The following RNF38 variants were observed in gnomAD, a reference collection of about 807,000 sequenced individuals.
RNF38 encodes the protein ring finger protein 38.
A neutral mutation model predicts 67.2 loss-of-function variants in RNF38; 15 were observed. The ratio of observed to expected loss-of-function variants is 0.22; its 90% CI spans 0.15 to 0.34. RNF38 has a LOEUF of 0.34. Among genes scored for constraint, RNF38 ranks in the 10% least tolerant of loss-of-function variants. The probability of loss-of-function intolerance (pLI) is 1.00; values close to 1 mark genes in which losing one functional copy is unlikely to be tolerated. For synonymous variants in RNF38, 220 were observed against 218.8 expected, an observed-to-expected ratio of 1.01 and a Z score of -0.05; for missense variants, 524 against 639.9, an observed-to-expected ratio of 0.82 and a Z score of 1.95.
rs915998905 is a variant in RNF38, at chr9:36,380,326, A to G, written c.163-4199T>C. Among the ~76,000 whole-genome samples, 61 of 152,010 alleles carry G rather than the reference A, an allele frequency of 4.0e-4. 1 individual carries two copies. The highest frequency in any genetic ancestry group is 1.4e-3 in the African/African-American group (58 of 41,356). On this transcript the variant is annotated intron_variant, in intron 2 of 11. Transcript: ENST00000259605. ...GCGATTCTCCTGCTTCAGCCTCCCG[A>G]GTAGCTGGGATTACAGGCATGCGCC...
intron 8 of RNF38, among the ~76,000 whole-genome samples, chr9:36,352,461 G>T (rs1357235787): frequency 6.6e-6 from 1 of 152,116 alleles, no homozygotes; most frequent in Non-Finnish European, 1.5e-5. Flanking sequence ...AAGACTGGTG[G>T]TAAGTGTTAT....
chr9:36,414,996 T>C (rs913077596), intron 2 of RNF38, among the ~76,000 whole-genome samples: 4 of 152,182 alleles, frequency 2.6e-5, no homozygotes, highest in African/African-American at 9.6e-5. Context: ...ATCTTTATTT[T>C]AGTTAGCCTG....
intron 1 of RNF38, among the ~76,000 whole-genome samples, chr9:36,441,330 A>ATTT (rs753735428): frequency 1.4e-5 from 2 of 142,824 alleles, no homozygotes; most frequent in Non-Finnish European, 1.5e-5. Context: ...TAAATTACCA[A>ATTT]TTTTTTTTTT....
rs1341505594 is a variant in RNF38, at chr9:36,387,383, TTAA to T, written c.162+3081_162+3083del. ...TAAGATACCACAAACACCCCTAAAA[TTAA>T]TGGTTGTGCCAGATATAAAATTATT... is the stretch of plus-strand genomic sequence containing the variant. On this transcript the variant is annotated intron_variant, in intron 2 of 11. Transcript: ENST00000259605. Among the ~76,000 whole-genome samples the T allele has an allele frequency of 8.7e-3, 1,326 of 152,322 alleles. 20 individuals carry two copies. Among genetic ancestry groups the T allele is most frequent in the African/African-American group, 0.03 (1,253 of 41,572 alleles).
At chr9:36,479,596 C>T (rs576256874) in intron 1 of RNF38, among the ~76,000 whole-genome samples, 19 of 152,208 alleles carry the variant, frequency 1.2e-4, no homozygotes, top group East Asian at 7.7e-4. Flanking sequence ...CCCCTCTATG[C>T]GATTCTCAAG....
Position 36,353,337 on chromosome 9 carries a change from G to A in RNF38, c.910-6C>T, listed in dbSNP as rs1239162603. On this transcript the variant is annotated splice_region_variant and splice_polypyrimidine_tract_variant and intron_variant, in intron 6 of 11. Coordinates refer to ENST00000259605, the MANE Select transcript of RNF38 (RefSeq NM_022781.5). ...TTTTCTATCCTTTGCAGAGGCTGAG[G>A]AGGGGGAAAAAAAAACACATATATG... 5.1e-6 allele frequency: 8 copies of A among 1,569,854 alleles called. No homozygotes were observed. Among genetic ancestry groups the A allele is most frequent in the Admixed American group, 2.0e-5 (1 of 50,430 alleles).
rs1001030190 is a variant in RNF38 at position 36,400,198 on chromosome 9, C to T, written c.-90G>A. 3 of 1,545,810 alleles carry T rather than the reference C, an allele frequency of 1.9e-6. No individual in the cohort carries two copies. The highest frequency in any genetic ancestry group is 2.8e-5 in the African/African-American group (2 of 71,948). ...AAACCAACCTCTCTCACGCTTCAAC[C>T]CTGAAAGGAAGAACTTGCATCCCCT... On this transcript the variant is annotated 5_prime_UTR_variant, in exon 1 of 12. Transcript: ENST00000259605.
At chr9:36,366,217 TAAG>T (rs1436788652) in intron 4 of RNF38, among the ~76,000 whole-genome samples, 2 of 152,186 alleles carry the variant, frequency 1.3e-5, no homozygotes, top group South Asian at 2.1e-4. Context: ...TTCTAAAAAA[TAAG>T]AACACTTAAT....
chr9:36,450,863 G>A (rs558733332), intron 1 of RNF38, among the ~76,000 whole-genome samples: 2 of 152,176 alleles, frequency 1.3e-5, no homozygotes, highest in East Asian at 2.0e-4. Context: ...GCGGTAAGCC[G>A]AGATCGTGCC....
chr9:36,461,138 C>G (rs1839723910), intron 1 of RNF38, among the ~76,000 whole-genome samples: 1 of 151,894 alleles, frequency 6.6e-6, no homozygotes, highest in South Asian at 2.1e-4. Context: ...TTGCTTGAAC[C>G]TGGGAGGCGG....
chr9:36,352,604 C>T (rs1833781596), intron 8 of RNF38, 138 bp downstream of exon 8: 5 of 706,220 alleles, frequency 7.1e-6, no homozygotes, highest in Non-Finnish European at 1.2e-5. Flanking sequence ...TAACTGGCTC[C>T]TCCCACCCCA....
intron 1 of RNF38, among the ~76,000 whole-genome samples, chr9:36,460,010 C>T (rs775485219): frequency 3.9e-5 from 6 of 151,916 alleles, no homozygotes; most frequent in African/African-American, 1.5e-4. Context: ...CTAACTTAAA[C>T]GACAGAAAAT....
At chr9:36,355,409 C>T (rs1441466194) in intron 6 of RNF38, among the ~76,000 whole-genome samples, 1 of 152,046 alleles carries the variant, frequency 6.6e-6, no homozygotes, top group Non-Finnish European at 1.5e-5. Flanking sequence ...CTCCCAGTGT[C>T]CCAAAATAAT....
intron 2 of RNF38, among the ~76,000 whole-genome samples, chr9:36,383,831 C>T (rs1173998627): frequency 2.0e-5 from 3 of 151,442 alleles, no homozygotes; most frequent in Non-Finnish European, 4.4e-5. Flanking sequence ...AAACCGAAGC[C>T]CAAAGAAAAT....
At chr9:36,366,171 G>C (rs891201395) in intron 4 of RNF38, among the ~76,000 whole-genome samples, 2 of 151,638 alleles carry the variant, frequency 1.3e-5, no homozygotes, top group African/African-American at 2.4e-5. Flanking sequence ...GCAAATCCCA[G>C]GACCCTATCA....
At chr9:36,352,393 A>G (rs1833762506) in intron 8 of RNF38, among the ~76,000 whole-genome samples, 1 of 152,174 alleles carries the variant, frequency 6.6e-6, no homozygotes, top group Non-Finnish European at 1.5e-5. Context: ...AAGACATAGA[A>G]ATAAATAAAT....
chr9:36,445,247 T>C (rs777980884), intron 1 of RNF38, among the ~76,000 whole-genome samples: 3 of 152,164 alleles, frequency 2.0e-5, no homozygotes, highest in Non-Finnish European at 2.9e-5. Context: ...TAGAATGAAG[T>C]TGATCATGAA....
chr9:36,344,981 C>T (rs948405241), intron 9 of RNF38, 28 bp from the exon 10 acceptor site: 5 of 1,593,148 alleles, frequency 3.1e-6, no homozygotes, highest in Non-Finnish European at 4.3e-6. Flanking sequence ...GACATATTTT[C>T]ATCTATCTTT....
intron 2 of RNF38, 123 bp downstream of exon 2, chr9:36,390,344 C>T: frequency 1.3e-6 from 1 of 797,998 alleles, no homozygotes; most frequent in Non-Finnish European, 1.9e-6. Flanking sequence ...AAGAAGAATA[C>T]TTATTTCCAC....
Sources: allele counts gnomAD v4.1 joint callset (sites outside exome capture counted in the v4.1 genomes callset), GRCh38; gene constraint gnomAD v4.1.1; transcripts MANE v1.5; gene names NCBI Gene and HGNC (gene_info 2026-07-23, HGNC 2026-07-21).